The following ATF7 variants were observed in gnomAD, a reference collection of about 807,000 sequenced individuals.
ATF7 encodes the protein cyclic AMP-dependent transcription factor ATF-7.
A neutral mutation model predicts 50.4 loss-of-function variants in ATF7; 10 were observed. The ratio of observed to expected loss-of-function variants is 0.20; its 90% CI spans 0.12 to 0.34. The LOEUF (loss-of-function observed/expected upper bound fraction) is 0.34, where lower values mean the gene tolerates loss of function less well. Among genes scored for constraint, ATF7 ranks in the 10% least tolerant of loss-of-function variants. The probability of loss-of-function intolerance (pLI) is 1.00; values close to 1 mark genes in which losing one functional copy is unlikely to be tolerated. For missense variants in ATF7, 465 were observed against 613.9 expected, an observed-to-expected ratio of 0.76 and a Z score of 2.56; for synonymous variants, 201 against 226.4, an observed-to-expected ratio of 0.89 and a Z score of 1.01.
chr12:53,595,397 A>G (rs929125157), intron 2 of ATF7, among the ~76,000 whole-genome samples: 1 of 152,252 alleles, frequency 6.6e-6, no homozygotes, highest in Non-Finnish European at 1.5e-5. Flanking sequence ...TATGCCAGAT[A>G]ATAGGGCAAC....
intron 11 of ATF7, among the ~76,000 whole-genome samples, chr12:53,518,897 C>T (rs1181474270): frequency 1.3e-5 from 2 of 148,952 alleles, no homozygotes; most frequent in Non-Finnish European, 3.0e-5. Context: ...AAAAAAAAAA[C>T]CAAAAAATTA....
intron 2 of ATF7, among the ~76,000 whole-genome samples, chr12:53,567,339 A>C (rs1310836152): frequency 1.3e-5 from 2 of 152,190 alleles, no homozygotes; most frequent in Admixed American, 6.5e-5. Context: ...CTGGGCTTTT[A>C]GGAAGAACAA....
chr12:53,557,079 A>G (rs1175705367), intron 2 of ATF7, among the ~76,000 whole-genome samples: 1 of 152,160 alleles, frequency 6.6e-6, no homozygotes, highest in Non-Finnish European at 1.5e-5. Context: ...AAGTGTTACT[A>G]AGTGATAAAA....
At chr12:53,548,074 C>T (rs1940069226) in intron 3 of ATF7, among the ~76,000 whole-genome samples, 1 of 151,862 alleles carries the variant, frequency 6.6e-6, no homozygotes, top group Non-Finnish European at 1.5e-5. Context: ...ATTGTGTTGC[C>T]CAGGCTGGTC....
chr12:53,534,212 G>C (rs951301803), intron 6 of ATF7, among the ~76,000 whole-genome samples: 2 of 152,154 alleles, frequency 1.3e-5, no homozygotes, highest in Non-Finnish European at 2.9e-5. Flanking sequence ...GGGAGACGGA[G>C]CTTGCAGTGA....
intron 2 of ATF7, among the ~76,000 whole-genome samples, chr12:53,593,866 G>A (rs1943046234): frequency 6.6e-6 from 1 of 152,192 alleles, no homozygotes; most frequent in African/African-American, 2.4e-5. Flanking sequence ...CACTGTAGAT[G>A]TACACACAGA....
At chr12:53,609,787 T>C (rs1018854239) in intron 1 of ATF7, among the ~76,000 whole-genome samples, 2 of 151,332 alleles carry the variant, frequency 1.3e-5, no homozygotes, top group African/African-American at 2.4e-5. Flanking sequence ...ACTATAATCT[T>C]AAACTAATTA....
At position 53,515,066 on chromosome 12, in the gene ATF7, T is replaced by A. The variant is rs1463011290; in HGVS notation, c.*2071A>T. 4 of 152,224 alleles carry A rather than the reference T, an allele frequency of 2.6e-5. No individual in the cohort carries two copies. The highest frequency in any genetic ancestry group is 4.4e-5 in the Non-Finnish European group (3 of 68,050). The allele number at this position is 152,224 out of a possible 1,614,324, so 9.4% of individuals were successfully genotyped here. A position where few individuals can be genotyped will look rare whatever the true frequency, so the allele number is the denominator to read the frequency against. On this transcript the variant is annotated 3_prime_UTR_variant, in exon 12 of 12. Coordinates refer to ENST00000420353, the MANE Select transcript of ATF7 (RefSeq NM_006856.3). ...GATGTGGTAACCTGCGTCCTGACCA[T>A]CTGCCATAACATTTGCTAGTCTGAA...
At chr12:53,569,170 T>G (rs1941614917) in intron 2 of ATF7, among the ~76,000 whole-genome samples, 1 of 152,000 alleles carries the variant, frequency 6.6e-6, no homozygotes, top group Non-Finnish European at 1.5e-5. Flanking sequence ...GGGCTCCATG[T>G]CTCTTAAAAA....
chr12:53,615,932 A>G (rs1041532458), intron 1 of ATF7, among the ~76,000 whole-genome samples: 1 of 152,176 alleles, frequency 6.6e-6, no homozygotes, highest in African/African-American at 2.4e-5. Flanking sequence ...TCCTATTTCA[A>G]AAAGAATGGT....
intron 3 of ATF7, among the ~76,000 whole-genome samples, chr12:53,551,076 A>AT (rs946867692): frequency 4.4e-4 from 67 of 152,186 alleles, no homozygotes; most frequent in African/African-American, 1.5e-3. Flanking sequence ...AAATACTACA[A>AT]TTTTTTTATG....
intron 4 of ATF7, among the ~76,000 whole-genome samples, chr12:53,542,279 T>A (rs1293752772): frequency 6.6e-6 from 1 of 151,256 alleles, no homozygotes; most frequent in Non-Finnish European, 1.5e-5. Context: ...AAAAAAAAAT[T>A]AGCCAGGTGT....
At chr12:53,598,248 A>G (rs1412252836) in intron 2 of ATF7, among the ~76,000 whole-genome samples, 2 of 152,248 alleles carry the variant, frequency 1.3e-5, no homozygotes, top group African/African-American at 4.8e-5. Flanking sequence ...AACTTGGAAG[A>G]GACTAAATAT....
Position 53,514,603 on chromosome 12 carries a change from T to G in ATF7, c.*2534A>C, listed in dbSNP as rs1284118692. 1 of 152,206 alleles carries G rather than the reference T, an allele frequency of 6.6e-6. No individual in the cohort carries two copies. Among genetic ancestry groups the G allele is most frequent in the Non-Finnish European group, 1.5e-5 (1 of 68,054 alleles). 9.4% of individuals were successfully genotyped at this position (152,206 alleles called of 1,614,324 possible). A position where few individuals can be genotyped will look rare whatever the true frequency, so the allele number is the denominator to read the frequency against. On this transcript the variant is annotated 3_prime_UTR_variant, in exon 12 of 12. Coordinates refer to ENST00000420353, the MANE Select transcript of ATF7 (RefSeq NM_006856.3). ...GGGTTCTGACCTGCTGCTTCCTTAT[T>G]TCAGTGCCATTTTGTTACTGTGGTT...
At chr12:53,552,413 T>A in intron 3 of ATF7, 128 bp downstream of exon 3, 1 of 672,278 alleles carries the variant, frequency 1.5e-6, no homozygotes, top group Non-Finnish European at 2.6e-6. Context: ...TTTTTCCTGA[T>A]TAAATGCAGA....
intron 2 of ATF7, among the ~76,000 whole-genome samples, chr12:53,571,638 TA>T (rs753773388): frequency 3.9e-3 from 526 of 135,580 alleles, no homozygotes; most frequent in Non-Finnish European, 4.0e-3. Context: ...TCCATCTCTT[TA>T]AAAAAAAAAA....
chr12:53,546,208 CA>C, intron 3 of ATF7, among the ~76,000 whole-genome samples: 1 of 151,736 alleles, frequency 6.6e-6, no homozygotes. Flanking sequence ...AACAAACAAA[CA>C]AACAAACAAA....
intron 6 of ATF7, 141 bp from the exon 7 acceptor site, chr12:53,533,400 G>T: frequency 1.6e-6 from 1 of 629,550 alleles, no homozygotes; most frequent in Non-Finnish European, 2.7e-6. Flanking sequence ...ACACCCTCAT[G>T]AAGGTGAGAA....
At chr12:53,561,116 G>C (rs1941074075) in intron 2 of ATF7, among the ~76,000 whole-genome samples, 1 of 151,640 alleles carries the variant, frequency 6.6e-6, no homozygotes, top group South Asian at 2.1e-4. Context: ...CTATTGTTTT[G>C]TTTACTTTAG....
Sources: allele counts gnomAD v4.1 joint callset (sites outside exome capture counted in the v4.1 genomes callset), GRCh38; gene constraint gnomAD v4.1.1; transcripts MANE v1.5; gene names NCBI Gene and HGNC (gene_info 2026-07-23, HGNC 2026-07-21).